TBC1D1: variants seen among roughly 807,000 people sequenced by gnomAD.
The protein encoded by TBC1D1 is TBC1 (tre-2/USP6, BUB2, cdc16) domain family, member 1.
A neutral mutation model predicts 125.6 loss-of-function variants in TBC1D1; 89 were observed. That is an observed-to-expected ratio of 0.71 (90% confidence interval 0.60 to 0.85). TBC1D1 has a LOEUF of 0.85. TBC1D1 is among the 40% of genes least tolerant of loss of function. TBC1D1 has a pLI of 0.00. For synonymous variants in TBC1D1, 565 were observed against 564.1 expected (o/e 1.00, Z -0.02); for missense variants, 1,377 against 1,469.2 (o/e 0.94, Z 1.03).
At chr4:38,034,530 T>G (rs1344847347) in intron 7 of TBC1D1, among the ~76,000 whole-genome samples, 1 of 152,238 alleles carries the variant, frequency 6.6e-6, no homozygotes, top group Non-Finnish European at 1.5e-5. Flanking sequence ...TGGGTTAGTG[T>G]TACCTTTGCT....
rs997889041 is a variant in TBC1D1, at chr4:38,102,428, G to A, written c.2399-571G>A. Among the ~76,000 whole-genome samples the A allele has an allele frequency of 3.3e-5, 5 of 151,994 alleles. No individual in the cohort carries two copies. The East Asian group carries it at 9.6e-4, about 29-fold the overall frequency. On this transcript the variant is annotated intron_variant, in intron 14 of 19. Transcript: ENST00000261439. ...GGTCGTATTCTTTATTCCTTGCAGA[G>A]TCTGACAGGGTCAGAACATGATAAC...
At chr4:38,116,460 C>G (rs1469795349) in intron 16 of TBC1D1, among the ~76,000 whole-genome samples, 1 of 152,222 alleles carries the variant, frequency 6.6e-6, no homozygotes, top group Admixed American at 6.5e-5. Context: ...GTCACGTTAT[C>G]CTGGCTGATT....
chr4:37,988,968 C>T (rs1165030579), intron 2 of TBC1D1, among the ~76,000 whole-genome samples: 2 of 152,192 alleles, frequency 1.3e-5, no homozygotes, highest in African/African-American at 4.8e-5. Context: ...TGCAGTCTGA[C>T]ATCACTTGAC....
At chr4:37,951,141 C>G (rs1727780716) in intron 2 of TBC1D1, among the ~76,000 whole-genome samples, 2 of 152,084 alleles carry the variant, frequency 1.3e-5, no homozygotes, top group African/African-American at 4.8e-5. Context: ...CCAGTTTGGC[C>G]TTGATGATTT....
chr4:38,079,902 A>C (rs1329541352), intron 12 of TBC1D1, among the ~76,000 whole-genome samples: 1 of 152,238 alleles, frequency 6.6e-6, no homozygotes, highest in Non-Finnish European at 1.5e-5. Context: ...TGTAATGTAA[A>C]GTAAGTGGCT....
At chr4:38,097,224 G>A (rs1421205118) in intron 14 of TBC1D1, among the ~76,000 whole-genome samples, 2 of 152,050 alleles carry the variant, frequency 1.3e-5, no homozygotes, top group Admixed American at 6.6e-5. Flanking sequence ...GTGCAATGGC[G>A]CGATCTCAGC....
intron 2 of TBC1D1, among the ~76,000 whole-genome samples, chr4:37,980,775 CTG>C (rs1358980380): frequency 2.0e-5 from 3 of 152,084 alleles, no homozygotes; most frequent in Admixed American, 6.5e-5. Context: ...AGGCATTTAA[CTG>C]TGTATTTTCC....
chr4:38,040,883 T>C (rs1748231510), intron 8 of TBC1D1, among the ~76,000 whole-genome samples: 1 of 152,204 alleles, frequency 6.6e-6, no homozygotes. Context: ...GTGAGTCTGT[T>C]ACCTTAGGCG....
chr4:38,030,859 T>C (rs567661326), intron 7 of TBC1D1, among the ~76,000 whole-genome samples: 1 of 152,294 alleles, frequency 6.6e-6, no homozygotes, highest in African/African-American at 2.4e-5. Flanking sequence ...TATTTAAGGA[T>C]CATGTAAATG....
At position 38,102,015 on chromosome 4, in the gene TBC1D1, T is replaced by C. The variant is rs148020142; in HGVS notation, c.2399-984T>C. Among the ~76,000 whole-genome samples, 572 of 146,908 alleles carry C rather than the reference T, an allele frequency of 3.9e-3. 3 individuals are homozygous for C. Among genetic ancestry groups the C allele is most frequent in the African/African-American group, 0.013 (531 of 39,448 alleles). ...AGGACAGAAAACCAAACATCGCATG[T>C]TCTCACTCATAGGTGGGAATTGAAC... is the stretch of plus-strand genomic sequence containing the variant. On this transcript the variant is annotated intron_variant, in intron 14 of 19. Transcript: ENST00000261439.
rs1351375340 is a variant in TBC1D1 at position 37,898,760 on chromosome 4, C to T, written c.-93-3243C>T. ...TTTTCTACCAGCAGGATAACTGTGGCGGGCTAACGTGTTAGTTTGCAAGTA... is the reference window on the plus strand; with the variant it reads ...TTTTCTACCAGCAGGATAACTGTGGTGGGCTAACGTGTTAGTTTGCAAGTA... On this transcript the variant is annotated intron_variant, in intron 1 of 19. Coordinates refer to ENST00000261439, the MANE Select transcript of TBC1D1 (RefSeq NM_015173.4). Among the ~76,000 whole-genome samples, 9 of 152,144 alleles carry T rather than the reference C, an allele frequency of 5.9e-5. No individual in the cohort carries two copies. In the South Asian group the frequency reaches 1.2e-3, roughly 21 times the overall value.
At chr4:37,954,965 C>T (rs907474454) in intron 2 of TBC1D1, among the ~76,000 whole-genome samples, 1 of 132,180 alleles carries the variant, frequency 7.6e-6, no homozygotes, top group Non-Finnish European at 1.5e-5. Flanking sequence ...GATCTTGGCT[C>T]ACTTAGCAGT....
chr4:38,037,296 A>G (rs116913711), intron 8 of TBC1D1, among the ~76,000 whole-genome samples: 2,670 of 151,870 alleles, frequency 0.018, 30 homozygotes, highest in South Asian at 0.052. Flanking sequence ...TACCCAAAAA[A>G]ACATAAGAGT....
chr4:38,010,309 G>A (rs545978874), intron 2 of TBC1D1, among the ~76,000 whole-genome samples: 7 of 152,194 alleles, frequency 4.6e-5, no homozygotes, highest in African/African-American at 4.8e-5. Context: ...CTTTCTGGGC[G>A]TCTCTAACCT....
At chr4:38,120,092 A>G in intron 17 of TBC1D1, 1 of 985,444 alleles carries the variant, frequency 1.0e-6, no homozygotes, top group Non-Finnish European at 1.2e-6. Context: ...CATAAATCAA[A>G]GCTGCAGCTT....
intron 2 of TBC1D1, among the ~76,000 whole-genome samples, chr4:37,917,010 A>G (rs2996042): frequency 0.78 from 118,370 of 151,114 alleles, 46,393 homozygotes; most frequent in East Asian, 0.96. Context: ...ACCTCAAGTG[A>G]TTCGCCTGCC....
intron 12 of TBC1D1, among the ~76,000 whole-genome samples, chr4:38,073,681 T>G (rs1180735135): frequency 6.6e-6 from 1 of 152,166 alleles, no homozygotes; most frequent in East Asian, 1.9e-4. Context: ...CATTTGTGCC[T>G]TGGTTTCTTC....
chr4:38,130,469 T>C (rs1420986745), intron 18 of TBC1D1, among the ~76,000 whole-genome samples: 1 of 152,224 alleles, frequency 6.6e-6, no homozygotes, highest in Non-Finnish European at 1.5e-5. Context: ...AGAAATTTTC[T>C]TCAGTACCAA....
In TBC1D1 at chr4:38,021,718, G is replaced by A; in HGVS notation, c.1210G>A (p.Gly404Arg). 1 of 1,559,598 alleles carries A rather than the reference G, an allele frequency of 6.4e-7. No homozygotes were observed. Among genetic ancestry groups the A allele is most frequent in the Non-Finnish European group, 8.7e-7 (1 of 1,154,702 alleles). Residue 404 changes from glycine to arginine, a missense_variant and splice_region_variant, in exon 6 of 20, where the codon GGA becomes AGA. Transcript: ENST00000261439. ...GCACAAGCTCTGTGAGAGGATAGAGGGTGAGTAGGGGACCCTTTCCAGCAT... is the reference window on the plus strand; with the variant it reads ...GCACAAGCTCTGTGAGAGGATAGAGAGTGAGTAGGGGACCCTTTCCAGCAT...
Sources: allele counts gnomAD v4.1 joint callset (sites outside exome capture counted in the v4.1 genomes callset), GRCh38; gene constraint gnomAD v4.1.1; transcripts MANE v1.5; gene names NCBI Gene and HGNC (gene_info 2026-07-23, HGNC 2026-07-21).